The following CAVIN2 variants were observed in gnomAD, a reference collection of about 807,000 sequenced individuals.
CAVIN2 encodes caveolae-associated protein 2.
A neutral mutation model predicts 11.7 loss-of-function variants in CAVIN2; 13 were observed. The ratio of observed to expected loss-of-function variants is 1.11; its 90% CI spans 0.72 to 1.77. The LOEUF (loss-of-function observed/expected upper bound fraction) is 1.77, where lower values mean the gene tolerates loss of function less well. CAVIN2 is among the 40% of genes most tolerant of loss of function. The probability of loss-of-function intolerance (pLI) is 0.00; values close to 1 mark genes in which losing one functional copy is unlikely to be tolerated. For synonymous variants in CAVIN2, 237 were observed against 223.2 expected, an observed-to-expected ratio of 1.06 and a Z score of -0.55; for missense variants, 549 against 542.9, an observed-to-expected ratio of 1.01 and a Z score of -0.11.
chr2:191,836,399 T>C lies in CAVIN2; in HGVS notation c.802A>G (p.Arg268Gly). 1 of 1,614,228 alleles carries C rather than the reference T, an allele frequency of 6.2e-7. No individual in the cohort carries two copies. Among genetic ancestry groups the C allele is most frequent in the East Asian group, 2.2e-5 (1 of 44,892 alleles). The change falls in exon 2 of 2, where the codon AGA (arginine) becomes GGA (glycine). Residue 268 changes from arginine (R) to glycine (G), a missense_variant. Transcript: ENST00000304141. ...LGTKIVSVER[R>G]EKIKKSLTSN... ...GTGAGAGATTTCTTAATCTTCTCTC[T>C]CCTCTCTACAGATACGATCTTTGTC...
chr2:191,834,895 G>C lies in CAVIN2; in HGVS notation c.*1028C>G, dbSNP rs878906875. On this transcript the variant is annotated 3_prime_UTR_variant, in exon 2 of 2. Transcript: ENST00000304141. The stretch of plus-strand genomic sequence containing the variant: ...GTAAGGGTTAGTTTAAATTTGAAGA[G>C]CATTAAAGAATAGTATGAGCTAAGT... 2.9e-5 allele frequency: 4 copies of C among 137,488 alleles called. No homozygotes were observed. The highest frequency in any genetic ancestry group is 1.0e-4 in the African/African-American group (4 of 39,282). 8.5% of individuals were successfully genotyped at this position (137,488 alleles called of 1,614,324 possible).
At chr2:191,837,746 T>G (rs1201210219) in intron 1 of CAVIN2, among the ~76,000 whole-genome samples, 1 of 152,200 alleles carries the variant, frequency 6.6e-6, no homozygotes, top group East Asian at 1.9e-4. Context: ...CTCTTGATTT[T>G]TAAATATTTT....
rs1385742603 is a variant in CAVIN2 at position 191,835,639 on chromosome 2, T to C, written c.*284A>G. The C allele has an allele frequency of 2.9e-5, 11 of 384,594 alleles. No individual in the cohort carries two copies. Among genetic ancestry groups the C allele is most frequent in the Non-Finnish European group, 2.3e-5 (5 of 214,372 alleles). 23.8% of individuals were successfully genotyped at this position (384,594 alleles called of 1,614,324 possible). On this transcript the variant is annotated 3_prime_UTR_variant, in exon 2 of 2. Transcript: ENST00000304141. ...TAATTATCCTCTGTTTTTTTCTGACTAAGTCAAAGAGATTAGCATTTTTCA... is the reference window on the plus strand; with the variant it reads ...TAATTATCCTCTGTTTTTTTCTGACCAAGTCAAAGAGATTAGCATTTTTCA...
chr2:191,845,448 C>T (rs1690151313), intron 1 of CAVIN2, among the ~76,000 whole-genome samples: 1 of 152,174 alleles, frequency 6.6e-6, no homozygotes, highest in Non-Finnish European at 1.5e-5. Flanking sequence ...CTTTGAAATC[C>T]TCTCCTATTC....
intron 1 of CAVIN2, among the ~76,000 whole-genome samples, chr2:191,837,064 C>G (rs1690033813): frequency 6.6e-6 from 1 of 152,198 alleles, no homozygotes; most frequent in Admixed American, 6.5e-5. Context: ...GAGGCCCTCT[C>G]TCTCCTATCC....
rs950230301 is a variant in CAVIN2 at position 191,846,982 on chromosome 2, A to T, written c.-57T>A. 3.9e-6 allele frequency: 6 copies of T among 1,541,122 alleles called. No homozygotes were observed. In the Admixed American group the frequency reaches 9.8e-5, roughly 25 times the overall value. ...GGGAGCTGCTTCTTGCTCGGGTGAG[A>T]AGTTGCGGTGGTGAGGGTGTAGGAT... On this transcript the variant is annotated 5_prime_UTR_variant, in exon 1 of 2. Transcript: ENST00000304141.
At position 191,836,632 on chromosome 2, in the gene CAVIN2, T is replaced by C. The variant is rs1439935421; in HGVS notation, c.569A>G (p.Asn190Ser). 6 of 1,614,058 alleles carry C rather than the reference T, an allele frequency of 3.7e-6. No homozygotes were observed. Among genetic ancestry groups the C allele is most frequent in the Admixed American group, 3.3e-5 (2 of 60,002 alleles). ...VEGKEELPDE[N>S]KSLEETLHTV... ...GTGCAGGGTTTCCTCCAGGGATTTG[T>C]TTTCATCCGGAAGCTCCTCCTTCCC... The change falls in exon 2 of 2, where the codon AAC (asparagine) becomes AGC (serine). Residue 190 changes from asparagine to serine, a missense_variant. Coordinates refer to ENST00000304141, the MANE Select transcript of CAVIN2 (RefSeq NM_004657.6).
chr2:191,842,701 ATTTAT>A (rs1001738992), intron 1 of CAVIN2, among the ~76,000 whole-genome samples: 1 of 152,216 alleles, frequency 6.6e-6, no homozygotes, highest in African/African-American at 2.4e-5. Context: ...GGATTTTAAG[ATTTAT>A]TTTATTGCTG....
intron 1 of CAVIN2, 124 bp downstream of exon 1, chr2:191,846,319 C>A: frequency 1.7e-6 from 2 of 1,193,290 alleles, no homozygotes; most frequent in South Asian, 3.2e-5. Context: ...GGGGACAGTG[C>A]CTTGTATGTG....
In CAVIN2 at chr2:191,836,407, A is replaced by G. The variant is rs929093650; in HGVS notation, c.794T>C (p.Val265Ala). 5 of 1,613,938 alleles carry G rather than the reference A, an allele frequency of 3.1e-6. No individual in the cohort carries two copies. The Admixed American group carries it at 8.3e-5, about 27-fold the overall frequency. ...MNKLGTKIVS[V>A]ERREKIKKSL... Reference sequence around the variant, plus strand: ...TTTCTTAATCTTCTCTCTCCTCTCTACAGATACGATCTTTGTCCCCAGCTT... The same window carrying G: ...TTTCTTAATCTTCTCTCTCCTCTCTGCAGATACGATCTTTGTCCCCAGCTT... Residue 265 changes from valine to alanine, a missense_variant, in exon 2 of 2, where the codon GTA becomes GCA. Coordinates refer to ENST00000304141, the MANE Select transcript of CAVIN2 (RefSeq NM_004657.6).
At chr2:191,839,384 A>G (rs1275822767) in intron 1 of CAVIN2, among the ~76,000 whole-genome samples, 1 of 152,242 alleles carries the variant, frequency 6.6e-6, no homozygotes, top group African/African-American at 2.4e-5. Flanking sequence ...GTTTTTCCTT[A>G]AATATACATT....
intron 1 of CAVIN2, among the ~76,000 whole-genome samples, chr2:191,838,933 T>C (rs920650607): frequency 6.6e-5 from 10 of 152,204 alleles, no homozygotes; most frequent in African/African-American, 2.2e-4. Flanking sequence ...GCTGGTGCCA[T>C]TGGGAAATCA....
In CAVIN2 at chr2:191,836,192, G is replaced by C. The variant is rs115736105; in HGVS notation, c.1009C>G (p.His337Asp). ...DQEEESFAEG[H>D]SEASLASALV... ...GCGCTGGCGAGGGACGCTTCGGAAT[G>C]ACCCTCTGCAAAGGACTCCTCTTCC... The change falls in exon 2 of 2, where the codon CAT becomes GAT. Residue 337 changes from histidine to aspartate, a missense_variant. His to Asp is a moderately conservative substitution (Grantham distance 81, BLOSUM62 -1). Coordinates refer to ENST00000304141, the MANE Select transcript of CAVIN2 (RefSeq NM_004657.6). 1.1e-5 allele frequency: 17 copies of C among 1,614,118 alleles called. No individual in the cohort carries two copies. The East Asian group carries it at 3.3e-4, about 32-fold the overall frequency.
In CAVIN2 at chr2:191,836,665, G is replaced by C; in HGVS notation, c.536C>G (p.Ala179Gly). Residue 179 changes from alanine to glycine, a missense_variant, in exon 2 of 2, where the codon GCC becomes GGC. Transcript: ENST00000304141. ...CGGAAGCTCCTCCTTCCCTTCCACG[G>C]CACCGGAAACGGGCTGTTTCACAAA... Reference protein sequence around the residue: ...SVFVKQPVSGAVEGKEELPDE... With the variant: ...SVFVKQPVSGGVEGKEELPDE... 6.2e-7 allele frequency: 1 copy of C among 1,613,880 alleles called. No homozygotes were observed. The highest frequency in any genetic ancestry group is 8.5e-7 in the Non-Finnish European group (1 of 1,179,948).
Position 191,846,910 on chromosome 2 carries a change from C to T in CAVIN2, c.16G>A (p.Ala6Thr). 6.2e-7 allele frequency: 1 copy of T among 1,610,044 alleles called. No homozygotes were observed. Among genetic ancestry groups the T allele is most frequent in the Middle Eastern group, 1.7e-4 (1 of 6,036 alleles). ...GGGTGCTGGAACTTTTCGGCCTGTG[C>T]AGCGTCCTCTCCCATGGCTAGGCAG... MGEDA[A>T]QAEKFQHPGS... The change falls in exon 1 of 2, where the codon GCA (alanine) becomes ACA (threonine). Residue 6 changes from alanine to threonine, a missense_variant. Transcript: ENST00000304141.
chr2:191,845,257 C>A (rs1690149274), intron 1 of CAVIN2, among the ~76,000 whole-genome samples: 1 of 152,156 alleles, frequency 6.6e-6, no homozygotes, highest in Non-Finnish European at 1.5e-5. Flanking sequence ...AAAAAAGCAG[C>A]GAGATGAGTC....
rs756956092 is a variant in CAVIN2 at position 191,846,582 on chromosome 2, A to T, written c.344T>A (p.Leu115Gln). The T allele has an allele frequency of 8.7e-6, 14 of 1,614,134 alleles. No individual in the cohort carries two copies. The Admixed American group carries it at 2.3e-4, about 27-fold the overall frequency. Residue 115 changes from leucine (L) to glutamine (Q), a missense_variant, in exon 1 of 2, where the codon CTG (leucine) becomes CAG (glutamine). Leu to Gln is a moderately radical substitution (Grantham distance 113). Coordinates refer to ENST00000304141, the MANE Select transcript of CAVIN2 (RefSeq NM_004657.6). ...GGCGCTGACCTTGCGGGACTTCTCC[A>T]GCAGCTTGCTCACCGTGTTGCTGGT... Reference protein sequence around the residue: ...ASTSNTVSKLLEKSRKVSAHT... With the variant: ...ASTSNTVSKLQEKSRKVSAHT...
intron 1 of CAVIN2, among the ~76,000 whole-genome samples, chr2:191,841,595 A>G (rs1312751420): frequency 6.6e-6 from 1 of 152,214 alleles, no homozygotes; most frequent in East Asian, 1.9e-4. Context: ...TTAACAAATT[A>G]CAGAGTTGAT....
chr2:191,846,703 T>A lies in CAVIN2; in HGVS notation c.223A>T (p.Asn75Tyr). The A allele has an allele frequency of 6.2e-7, 1 of 1,614,152 alleles. No individual in the cohort carries two copies. Among genetic ancestry groups the A allele is most frequent in the Non-Finnish European group, 8.5e-7 (1 of 1,180,018 alleles). The change falls in exon 1 of 2, where the codon AAC (asparagine) becomes TAC (tyrosine). Residue 75 changes from asparagine (N) to tyrosine (Y), a missense_variant. By Grantham distance (143) the Asn-to-Tyr change is moderately radical. Transcript: ENST00000304141. ...LVNMLDAVQENQHKMEQRQIS... is the reference protein window; with the variant it reads ...LVNMLDAVQEYQHKMEQRQIS... ...TGTCGCTGCTCCATCTTGTGCTGGT[T>A]CTCCTGCACAGCGTCTAGCATGTTC... is the stretch of plus-strand genomic sequence containing the variant.
Sources: allele counts gnomAD v4.1 joint callset (sites outside exome capture counted in the v4.1 genomes callset), GRCh38; gene constraint gnomAD v4.1.1; transcripts MANE v1.5; gene names NCBI Gene and HGNC (gene_info 2026-07-23, HGNC 2026-07-21).